TRAK1: variants seen among roughly 807,000 people sequenced by gnomAD.
TRAK1 encodes the protein trafficking kinesin protein 1.
In TRAK1, 33 loss-of-function variants were observed where a neutral mutation model predicts 92.1. The ratio of observed to expected loss-of-function variants is 0.36; its 90% CI spans 0.27 to 0.48. The LOEUF (loss-of-function observed/expected upper bound fraction) is 0.48. Among genes scored for constraint, TRAK1 ranks in the 20% least tolerant of loss-of-function variants. TRAK1 has a pLI of 0.99. For synonymous variants in TRAK1, 521 were observed against 517.3 expected (o/e 1.01, Z -0.10); for missense variants, 1,123 against 1,257.9 (o/e 0.89, Z 1.62).
chr3:42,098,557 C>A (rs1043911612), intron 1 of TRAK1, among the ~76,000 whole-genome samples: 1 of 152,112 alleles, frequency 6.6e-6, no homozygotes, highest in Non-Finnish European at 1.5e-5. Flanking sequence ...ACCTGACCTG[C>A]GGGAGAGAGG....
At chr3:42,185,673 CTTT>C (rs11376284) in intron 4 of TRAK1, among the ~76,000 whole-genome samples, 1 of 136,612 alleles carries the variant, frequency 7.3e-6, no homozygotes. Flanking sequence ...TTATTCCTTT[CTTT>C]TTTTTTTTTT....
intron 3 of TRAK1, 102 bp downstream of exon 3, chr3:42,176,992 G>A: frequency 1.1e-5 from 12 of 1,105,020 alleles, no homozygotes; most frequent in Non-Finnish European, 1.6e-5. Context: ...GAGGAATCTT[G>A]GAAATTGGTC....
intron 10 of TRAK1, among the ~76,000 whole-genome samples, chr3:42,197,030 A>ACACACT (rs1706809393): frequency 4.1e-5 from 6 of 147,446 alleles, no homozygotes; most frequent in South Asian, 2.2e-4. Flanking sequence ...ACACACACAC[A>ACACACT]CACACACACG....
chr3:42,046,035 A>G (rs573490068), intron 1 of TRAK1, among the ~76,000 whole-genome samples: 1 of 152,286 alleles, frequency 6.6e-6, no homozygotes, highest in East Asian at 1.9e-4. Flanking sequence ...TAATTGAGCA[A>G]TTCAGTATAT....
chr3:42,079,328 A>G (rs1394883762), intron 1 of TRAK1, among the ~76,000 whole-genome samples: 1 of 152,120 alleles, frequency 6.6e-6, no homozygotes, highest in Non-Finnish European at 1.5e-5. Context: ...CAGAAAGAGG[A>G]AACCTTGAAA....
intron 2 of TRAK1, 37 bp downstream of exon 2, chr3:42,125,651 C>T: frequency 6.2e-7 from 1 of 1,603,816 alleles, no homozygotes; most frequent in Non-Finnish European, 8.5e-7. Flanking sequence ...ATGGCAGTAT[C>T]ATGATCAGGT....
At chr3:42,133,442 AC>A (rs919162011) in intron 2 of TRAK1, among the ~76,000 whole-genome samples, 1 of 151,968 alleles carries the variant, frequency 6.6e-6, no homozygotes, top group African/African-American at 2.4e-5. Flanking sequence ...CTGGCCTCGA[AC>A]TCCTGGGCTC....
At chr3:42,065,093 C>T (rs555218885) in intron 1 of TRAK1, among the ~76,000 whole-genome samples, 2 of 151,576 alleles carry the variant, frequency 1.3e-5, no homozygotes, top group African/African-American at 2.4e-5. Flanking sequence ...AACAAACAAA[C>T]AAACAAAAAT....
chr3:42,219,761 A>T (rs1710131705), intron 15 of TRAK1, among the ~76,000 whole-genome samples, 165 bp downstream of exon 15: 1 of 136,410 alleles, frequency 7.3e-6, no homozygotes, highest in Non-Finnish European at 1.6e-5. Flanking sequence ...TCTGGGTCCC[A>T]TCCTTCCTTT....
intron 2 of TRAK1, among the ~76,000 whole-genome samples, chr3:42,128,948 T>C (rs185515710): frequency 6.6e-6 from 1 of 152,382 alleles, no homozygotes; most frequent in African/African-American, 2.4e-5. Flanking sequence ...TCTTTTATTC[T>C]TTAATAAAGA....
chr3:42,195,072 T>A, intron 10 of TRAK1, 131 bp downstream of exon 10: 2 of 1,121,026 alleles, frequency 1.8e-6, no homozygotes, highest in South Asian at 1.8e-5. Flanking sequence ...GATCTGAGTC[T>A]GAATCAAGGA....
At chr3:42,133,931 A>T (rs1314542660) in intron 2 of TRAK1, among the ~76,000 whole-genome samples, 6 of 152,234 alleles carry the variant, frequency 3.9e-5, no homozygotes, top group East Asian at 1.9e-4. Flanking sequence ...TGGACTAAAA[A>T]TTTTTTTAAA....
intron 2 of TRAK1, among the ~76,000 whole-genome samples, chr3:42,138,802 G>A (rs533399402): frequency 2.0e-5 from 3 of 151,444 alleles, no homozygotes; most frequent in African/African-American, 7.3e-5. Flanking sequence ...AGCACACAGT[G>A]CTGACCTTCT....
intron 1 of TRAK1, among the ~76,000 whole-genome samples, chr3:42,098,280 G>A (rs530566184): frequency 2.6e-5 from 4 of 151,938 alleles, no homozygotes; most frequent in Admixed American, 6.6e-5. Flanking sequence ...GCCTTTAGAA[G>A]CTTTGCAGCA....
chr3:42,191,717 TGCAGTCTCCTGCCAGCCTACG>T, intron 7 of TRAK1, 81 bp downstream of exon 7: 7 of 1,444,426 alleles, frequency 4.8e-6, no homozygotes, highest in Non-Finnish European at 6.6e-6. Context: ...CTTGCTAAAG[TGCAGTCTCCTGCCAGCCTACG>T]GCTCAGCAGC....
At chr3:42,040,680 C>CT (rs569797970) in intron 1 of TRAK1, among the ~76,000 whole-genome samples, 10,558 of 142,890 alleles carry the variant, frequency 0.074, 453 homozygotes, top group Middle Eastern at 0.22. Flanking sequence ...AGTACTACAC[C>CT]TTTTTTTTTT....
At chr3:42,088,745 C>T (rs1382919957), upstream of TRAK1, among the ~76,000 whole-genome samples, 1 of 152,190 alleles carries the variant, frequency 6.6e-6, no homozygotes, top group Non-Finnish European at 1.5e-5. Flanking sequence ...TTGCCAAGTC[C>T]TGTGTCCTGG....
At chr3:42,203,941 T>G in intron 13 of TRAK1, 1 of 985,816 alleles carries the variant, frequency 1.0e-6, no homozygotes, top group Non-Finnish European at 1.2e-6. Flanking sequence ...TGAGACTGCA[T>G]GCTATAAGGT....
intron 1 of TRAK1, among the ~76,000 whole-genome samples, chr3:42,017,903 A>G (rs1457816571): frequency 6.6e-6 from 1 of 152,072 alleles, no homozygotes; most frequent in African/African-American, 2.4e-5. Context: ...ACTCATAGGC[A>G]GTGTGCCTGT....
Sources: allele counts gnomAD v4.1 joint callset (sites outside exome capture counted in the v4.1 genomes callset), GRCh38; gene constraint gnomAD v4.1.1; transcripts MANE v1.5; gene names NCBI Gene and HGNC (gene_info 2026-07-23, HGNC 2026-07-21).